UNC5C: variants seen among roughly 807,000 people sequenced by gnomAD.
UNC5C encodes the protein netrin receptor UNC5C.
A neutral mutation model predicts 99.8 loss-of-function variants in UNC5C; 47 were observed. The observed-to-expected ratio is 0.47, with a 90% confidence interval of 0.37 to 0.60. The LOEUF is 0.60. UNC5C is among the 20% of genes least tolerant of loss of function. The probability of loss-of-function intolerance (pLI) is 0.00; values close to 1 mark genes in which losing one functional copy is unlikely to be tolerated. For synonymous variants in UNC5C, 487 were observed against 452.2 expected (o/e 1.08, Z -0.98); for missense variants, 1,062 against 1,165.9 (o/e 0.91, Z 1.30).
In UNC5C at chr4:95,451,268, G is replaced by A. The variant is rs544393137; in HGVS notation, c.124+97466C>T. 2.0e-5 allele frequency among the ~76,000 whole-genome samples: 3 copies of A among 152,260 alleles called. No homozygotes were observed. In the East Asian group the frequency reaches 5.8e-4, roughly 29 times the overall value. ...GGCAGGCAATGCTGATTTAAATTAG[G>A]TTTGAAGCCCACCACAGCAGCTTGA... On this transcript the variant is annotated intron_variant, in intron 1 of 15. Coordinates refer to ENST00000453304, the MANE Select transcript of UNC5C (RefSeq NM_003728.4).
At position 95,301,768 on chromosome 4, in the gene UNC5C, A is replaced by G. The variant is rs1466694021; in HGVS notation, c.347-19T>C. ...ATGAGACCTGACAAGAGAAAAAGAAAGATTTAAGTCAACACAAGATTCATA... is the reference window on the plus strand; with the variant it reads ...ATGAGACCTGACAAGAGAAAAAGAAGGATTTAAGTCAACACAAGATTCATA... On this transcript the variant is annotated intron_variant, in intron 2 of 15. Coordinates refer to ENST00000453304, the MANE Select transcript of UNC5C (RefSeq NM_003728.4). The G allele has an allele frequency of 6.2e-7, 1 of 1,610,466 alleles. No homozygotes were observed. Among genetic ancestry groups the G allele is most frequent in the Non-Finnish European group, 8.5e-7 (1 of 1,179,066 alleles).
In UNC5C at chr4:95,301,716, G is replaced by A. The variant is rs575164657; in HGVS notation, c.380C>T (p.Ser127Leu). Reference protein sequence around the residue: ...LIVREVSIEISRQQVEELFGP... With the variant: ...LIVREVSIEILRQQVEELFGP... ...AAAGAGTTCTTCCACTTGCTGGCGCGAAATCTCAATGCTCACTTCCCGGAC... is the reference window on the plus strand; with the variant it reads ...AAAGAGTTCTTCCACTTGCTGGCGCAAAATCTCAATGCTCACTTCCCGGAC... Residue 127 changes from serine (S) to leucine (L), a missense_variant, in exon 3 of 16, where the codon TCG becomes TTG. Transcript: ENST00000453304. The A allele has an allele frequency of 6.8e-6, 11 of 1,613,032 alleles. No individual in the cohort carries two copies. The highest frequency in any genetic ancestry group is 4.4e-5 in the South Asian group (4 of 91,042).
At position 95,435,461 on chromosome 4, in the gene UNC5C, CAG is replaced by C. The variant is rs145087687; in HGVS notation, c.125-99832_125-99831del. On this transcript the variant is annotated intron_variant, in intron 1 of 15. Coordinates refer to ENST00000453304, the MANE Select transcript of UNC5C (RefSeq NM_003728.4). Reference sequence around the variant, plus strand: ...TTATTTTAAAAACATGAATTACTAACAGGGAAAAATTTGAGCATGACACAAAT... The same window carrying C: ...TTATTTTAAAAACATGAATTACTAACGGAAAAATTTGAGCATGACACAAAT... Among the ~76,000 whole-genome samples, 842 of 152,148 alleles carry C rather than the reference CAG, an allele frequency of 5.5e-3. 13 individuals carry two copies. Among genetic ancestry groups the C allele is most frequent in the East Asian group, 0.054 (280 of 5,174 alleles).
At chr4:95,500,650 A>G (rs1234046053) in intron 1 of UNC5C, among the ~76,000 whole-genome samples, 2 of 152,128 alleles carry the variant, frequency 1.3e-5, no homozygotes, top group African/African-American at 4.8e-5. Context: ...GTTCTTCCTC[A>G]AGCTATTAGT....
At position 95,426,426 on chromosome 4, in the gene UNC5C, T is replaced by C. The variant is rs1056538252; in HGVS notation, c.125-90795A>G. 2.6e-5 allele frequency among the ~76,000 whole-genome samples: 4 copies of C among 152,328 alleles called. No homozygotes were observed. In the East Asian group the frequency reaches 7.7e-4, roughly 29 times the overall value. ...ACAATTTTGAAATTAAGCCAATTAA[T>C]AACCCTATAATGACCTCTAAGTGTT... On this transcript the variant is annotated intron_variant, in intron 1 of 15. Coordinates refer to ENST00000453304, the MANE Select transcript of UNC5C (RefSeq NM_003728.4).
At chr4:95,368,044 T>C (rs890843597) in intron 1 of UNC5C, among the ~76,000 whole-genome samples, 1 of 152,132 alleles carries the variant, frequency 6.6e-6, no homozygotes, top group Non-Finnish European at 1.5e-5. Flanking sequence ...CCAGACACAG[T>C]CTAAATCAGT....
chr4:95,200,140 C>T (rs1360105392), intron 12 of UNC5C, among the ~76,000 whole-genome samples: 1 of 152,200 alleles, frequency 6.6e-6, no homozygotes, highest in East Asian at 1.9e-4. Flanking sequence ...TCCCCTGGAG[C>T]CTGCTTCCCA....
intron 4 of UNC5C, among the ~76,000 whole-genome samples, chr4:95,275,887 A>G (rs1740840738): frequency 6.6e-6 from 1 of 152,230 alleles, no homozygotes; most frequent in Admixed American, 6.5e-5. Flanking sequence ...CAAAAGGAGC[A>G]CAAATCCAGT....
chr4:95,212,642 C>T (rs1028565656), intron 10 of UNC5C, among the ~76,000 whole-genome samples: 2 of 152,122 alleles, frequency 1.3e-5, no homozygotes, highest in Admixed American at 6.5e-5. Context: ...CCTTCCTTGC[C>T]GTGACTTCAC....
Position 95,331,786 on chromosome 4 carries a change from T to C in UNC5C, c.346+3624A>G, listed in dbSNP as rs574036482. Among the ~76,000 whole-genome samples the C allele has an allele frequency of 3.2e-4, 49 of 152,260 alleles. No homozygotes were observed. The South Asian group carries it at 9.9e-3, about 31-fold the overall frequency. ...CAGAGAAGAAATCTCTCTCAATATATGTGTATATGTGTGTGTGGGTGTGTT... is the reference window on the plus strand; with the variant it reads ...CAGAGAAGAAATCTCTCTCAATATACGTGTATATGTGTGTGTGGGTGTGTT... On this transcript the variant is annotated intron_variant, in intron 2 of 15. Coordinates refer to ENST00000453304, the MANE Select transcript of UNC5C (RefSeq NM_003728.4).
intron 4 of UNC5C, among the ~76,000 whole-genome samples, chr4:95,267,835 C>T (rs568547174): frequency 6.6e-6 from 1 of 151,834 alleles, no homozygotes; most frequent in Admixed American, 6.6e-5. Flanking sequence ...TCAGAATGCT[C>T]CAAAGTTCAT....
intron 1 of UNC5C, among the ~76,000 whole-genome samples, chr4:95,466,592 T>A (rs1747786156): frequency 6.6e-6 from 1 of 152,040 alleles, no homozygotes; most frequent in Admixed American, 6.6e-5. Context: ...AGACATTAAT[T>A]AATTAATTAA....
intron 10 of UNC5C, among the ~76,000 whole-genome samples, chr4:95,215,597 C>A (rs961151203): frequency 6.6e-6 from 1 of 151,932 alleles, no homozygotes; most frequent in African/African-American, 2.4e-5. Context: ...TCTGAACAGC[C>A]TAATGTGGAA....
chr4:95,464,726 T>C (rs993838923), intron 1 of UNC5C, among the ~76,000 whole-genome samples: 1 of 152,210 alleles, frequency 6.6e-6, no homozygotes, highest in Non-Finnish European at 1.5e-5. Context: ...AATCACTGTC[T>C]TATTTTCTTA....
At chr4:95,291,348 A>G (rs970826655) in intron 3 of UNC5C, among the ~76,000 whole-genome samples, 9 of 152,052 alleles carry the variant, frequency 5.9e-5, no homozygotes, top group Non-Finnish European at 1.2e-4. Context: ...CTCAGAGTAC[A>G]AAAAAAAGAA....
chr4:95,178,087 C>T (rs967502291), intron 14 of UNC5C, among the ~76,000 whole-genome samples: 8 of 152,262 alleles, frequency 5.3e-5, no homozygotes, highest in East Asian at 3.9e-4. Context: ...AGAATGCAGT[C>T]GGACATGGAG....
intron 1 of UNC5C, among the ~76,000 whole-genome samples, chr4:95,358,784 T>C (rs1744292854): frequency 6.6e-6 from 1 of 152,172 alleles, no homozygotes; most frequent in African/African-American, 2.4e-5. Flanking sequence ...TAGCCCAGCC[T>C]GCAATCTTTA....
chr4:95,303,371 CAATGTTTAT>C lies in UNC5C; in HGVS notation c.347-1631_347-1623del, dbSNP rs543342822. Reference sequence around the variant, plus strand: ...TGAGTTTCAGAACTACTCACATCTACAATGTTTATAATTCTCAGTTTCCCCCAGGCACTG... The same window carrying C: ...TGAGTTTCAGAACTACTCACATCTACAATTCTCAGTTTCCCCCAGGCACTG... On this transcript the variant is annotated intron_variant, in intron 2 of 15. Coordinates refer to ENST00000453304, the MANE Select transcript of UNC5C (RefSeq NM_003728.4). Among the ~76,000 whole-genome samples the C allele has an allele frequency of 1.5e-3, 228 of 152,294 alleles. 1 individual carries two copies. The highest frequency in any genetic ancestry group is 5.3e-3 in the African/African-American group (219 of 41,562).
chr4:95,527,184 G>C (rs1429390397), intron 1 of UNC5C, among the ~76,000 whole-genome samples: 3 of 152,042 alleles, frequency 2.0e-5, no homozygotes, highest in East Asian at 3.9e-4. Context: ...CTGAACTCAA[G>C]AGATGCTGTC....
Sources: allele counts gnomAD v4.1 joint callset (sites outside exome capture counted in the v4.1 genomes callset), GRCh38; gene constraint gnomAD v4.1.1; transcripts MANE v1.5; gene names NCBI Gene and HGNC (gene_info 2026-07-23, HGNC 2026-07-21).